DPP3: variants seen among roughly 807,000 people sequenced by gnomAD.
The protein encoded by DPP3 is DPP III.
A neutral mutation model predicts 89.8 loss-of-function variants in DPP3; 64 were observed. That is an observed-to-expected ratio of 0.71 (90% CI 0.58 to 0.88). DPP3 has a LOEUF of 0.88. DPP3 is among the 40% of genes least tolerant of loss of function. The pLI, the probability that DPP3 is intolerant of heterozygous loss-of-function variation, is 0.00. For missense variants in DPP3, 835 were observed against 972.5 expected, an observed-to-expected ratio of 0.86 and a Z score of 1.88; for synonymous variants, 377 against 404.3, an observed-to-expected ratio of 0.93 and a Z score of 0.81.
chr11:66,493,238 AAG>A, intron 11 of DPP3, 59 bp downstream of exon 11: 1 of 1,452,330 alleles, frequency 6.9e-7, no homozygotes, highest in Non-Finnish European at 9.6e-7. Flanking sequence ...CAGACTCAGG[AAG>A]AGAGACAGCC....
chr11:66,488,114 C>G, intron 6 of DPP3, 107 bp downstream of exon 6: 2 of 969,584 alleles, frequency 2.1e-6, no homozygotes, highest in Admixed American at 5.5e-5. Context: ...GCATCCTTCT[C>G]TCCCAGGATT....
intron 1 of DPP3, 98 bp downstream of exon 1, chr11:66,480,563 C>T: frequency 7.5e-7 from 1 of 1,327,522 alleles, no homozygotes; most frequent in Non-Finnish European, 9.9e-7. Context: ...TTTCTGCCCA[C>T]TCTCCAGTAC....
In DPP3 at chr11:66,485,193, G is replaced by A. The variant is rs753620203; in HGVS notation, c.291G>A (p.Ala97=). The change falls in exon 3 of 18, where the codon GCG becomes GCA. Residue 97 remains alanine (A), a synonymous_variant. Coordinates refer to ENST00000531863, the MANE Select transcript of DPP3 (RefSeq NM_130443.4). ...CTCAGGCGTTCCTGGTCTATGCCGC[G>A]GGTGTTTACTCCAACATGGGCAACT... is the stretch of plus-strand genomic sequence containing the variant. ...EEYQAFLVYA[A]GVYSNMGNYK... 72 of 1,614,028 alleles carry A rather than the reference G, an allele frequency of 4.5e-5. No individual in the cohort carries two copies. The highest frequency in any genetic ancestry group is 3.4e-5 in the Non-Finnish European group (40 of 1,180,038).
chr11:66,486,753 C>T, intron 4 of DPP3, 76 bp downstream of exon 4: 1 of 1,415,944 alleles, frequency 7.1e-7, no homozygotes. Context: ...GAGGGAAGGA[C>T]ACGGGATGGG....
chr11:66,499,825 G>A (rs761989453), intron 16 of DPP3, among the ~76,000 whole-genome samples: 6 of 151,568 alleles, frequency 4.0e-5, no homozygotes, highest in South Asian at 2.1e-4. Flanking sequence ...CTTTTATCGC[G>A]TTATTTTGTT....
chr11:66,502,995 G>A (rs932973769), intron 16 of DPP3, among the ~76,000 whole-genome samples: 7 of 151,986 alleles, frequency 4.6e-5, no homozygotes, highest in Admixed American at 4.6e-4. Context: ...TTGAGATGGA[G>A]TCTCACTTTG....
rs113075304 is a variant in DPP3 at position 66,482,567 on chromosome 11, A to G, written c.270+97A>G. The G allele has an allele frequency of 1.7e-3, 2,616 of 1,516,866 alleles. 41 individuals are homozygous for G. The African/African-American group carries it at 0.031, about 18-fold the overall frequency. The allele number at this position is 1,516,866 out of a possible 1,614,324, so 94.0% of individuals were successfully genotyped here. A position where few individuals can be genotyped will look rare whatever the true frequency, so the allele number is the denominator to read the frequency against. The stretch of plus-strand genomic sequence containing the variant: ...GTCTCTTTCAAGGGGTAGGTGGAGG[A>G]TTAGACCAAAGGTTACAAATTCAGG... On this transcript the variant is annotated intron_variant, in intron 2 of 17. Transcript: ENST00000531863.
At chr11:66,502,729 G>T (rs1259402769) in intron 16 of DPP3, among the ~76,000 whole-genome samples, 1 of 152,168 alleles carries the variant, frequency 6.6e-6, no homozygotes, top group Non-Finnish European at 1.5e-5. Flanking sequence ...CTCCCAAAGT[G>T]CTGGGATTAC....
intron 17 of DPP3, among the ~76,000 whole-genome samples, chr11:66,508,340 G>A (rs139770983): frequency 9.5e-4 from 144 of 152,208 alleles, no homozygotes; most frequent in African/African-American, 3.3e-3. Flanking sequence ...GCACCCCCTC[G>A]ATGTGTGACT....
Position 66,492,904 on chromosome 11 carries a change from C to T in DPP3, c.1177C>T (p.Pro393Ser). 6.2e-7 allele frequency: 1 copy of T among 1,609,840 alleles called. No individual in the cohort carries two copies. The highest frequency in any genetic ancestry group is 8.5e-7 in the Non-Finnish European group (1 of 1,177,814). Residue 393 changes from proline to serine, a missense_variant, in exon 10 of 18, where the codon CCC becomes TCC. Transcript: ENST00000531863. ...GSGIPAGINI[P>S]NYDDLRQTEG... ...CGGCATCCCTGCCGGCATCAACATC[C>T]CCAACTGTGAGTGTCTCAGGCCCAG...
intron 17 of DPP3, among the ~76,000 whole-genome samples, chr11:66,506,297 C>T (rs975274627): frequency 1.3e-5 from 2 of 151,104 alleles, no homozygotes; most frequent in African/African-American, 2.4e-5. Flanking sequence ...TCTTGTTGCC[C>T]AGGCTGGAGT....
chr11:66,485,372 A>G, intron 3 of DPP3, 110 bp downstream of exon 3: 2 of 1,097,354 alleles, frequency 1.8e-6, no homozygotes, highest in East Asian at 2.5e-5. Flanking sequence ...TGAGCAGAGC[A>G]TGGACCCTGT....
chr11:66,491,838 C>G, intron 9 of DPP3, 82 bp downstream of exon 9: 1 of 1,456,642 alleles, frequency 6.9e-7, no homozygotes. Flanking sequence ...TGATGGTTCT[C>G]CCCACCCCCG....
At chr11:66,496,723 A>G (rs1235979310) in intron 15 of DPP3, among the ~76,000 whole-genome samples, 1 of 152,068 alleles carries the variant, frequency 6.6e-6, no homozygotes, top group Non-Finnish European at 1.5e-5. Context: ...CAGCAATAGA[A>G]ACTTTTTGAC....
intron 15 of DPP3, 148 bp downstream of exon 15, chr11:66,495,898 C>A: frequency 7.5e-7 from 1 of 1,339,648 alleles, no homozygotes; most frequent in Non-Finnish European, 1.0e-6. Flanking sequence ...AGTCACATCA[C>A]TCTTGTGAGC....
Position 66,480,463 on chromosome 11 carries a change from C to T in DPP3, c.-11C>T. ...GAGTTTGCGAACGGAGCAGCTGCTG[C>T]AGGTGAGGCGCGGCGCCTGGGCTTT... On this transcript the variant is annotated splice_region_variant and 5_prime_UTR_variant, in exon 1 of 18. Coordinates refer to ENST00000531863, the MANE Select transcript of DPP3 (RefSeq NM_130443.4). 3.4e-6 allele frequency: 5 copies of T among 1,489,634 alleles called. No individual in the cohort carries two copies. The South Asian group carries it at 3.8e-5, about 11-fold the overall frequency. 92.3% of individuals were successfully genotyped at this position (1,489,634 alleles called of 1,614,324 possible). A position where few individuals can be genotyped will look rare whatever the true frequency, so the allele number is the denominator to read the frequency against.
At chr11:66,489,310 A>T (rs1481938799) in intron 6 of DPP3, among the ~76,000 whole-genome samples, 2 of 151,948 alleles carry the variant, frequency 1.3e-5, no homozygotes, top group African/African-American at 4.8e-5. Flanking sequence ...TCTTCCCATA[A>T]CTGAGTCTGT....
Position 66,495,475 on chromosome 11 carries a change from C to A in DPP3, c.1563C>A (p.His521Gln). 1 of 1,611,560 alleles carries A rather than the reference C, an allele frequency of 6.2e-7. No individual in the cohort carries two copies. ...GCGTGGGTCTCTACCTCTGTCTCCA[C>A]CCGCAAGTGCTGGAGTAAGAGCAGC... ...AESVGLYLCLHPQVLEIFGFE... is the reference protein window; with the variant it reads ...AESVGLYLCLQPQVLEIFGFE... The change falls in exon 14 of 18, where the codon CAC becomes CAA. Residue 521 changes from histidine (H) to glutamine (Q), a missense_variant. Coordinates refer to ENST00000531863, the MANE Select transcript of DPP3 (RefSeq NM_130443.4).
rs377028801 is a variant in DPP3, at chr11:66,493,151, A to G, written c.1268A>G (p.Lys423Arg). The stretch of plus-strand genomic sequence containing the variant: ...GTGGCCTACGCCACGCAGCGGGAGA[A>G]GCTTACCTTTCTGGAGGAGGATGAC... ...LAVAYATQRE[K>R]LTFLEEDDKD... Residue 423 changes from lysine to arginine, a missense_variant, in exon 11 of 18, where the codon AAG becomes AGG. Lys to Arg is a conservative substitution (Grantham distance 26, BLOSUM62 2). Transcript: ENST00000531863. The G allele has an allele frequency of 2.4e-5, 38 of 1,614,010 alleles. No homozygotes were observed. The East Asian group carries it at 3.1e-4, about 13-fold the overall frequency.
Sources: allele counts gnomAD v4.1 joint callset (sites outside exome capture counted in the v4.1 genomes callset), GRCh38; gene constraint gnomAD v4.1.1; transcripts MANE v1.5; gene names NCBI Gene and HGNC (gene_info 2026-07-23, HGNC 2026-07-21).